RREB1: variants seen among roughly 807,000 people sequenced by gnomAD.
RREB1 encodes the protein ras responsive element binding protein 1.
RREB1 carries 27 observed loss-of-function variants against 117.8 expected under a neutral mutation model. The observed-to-expected ratio is 0.23, with a 90% confidence interval of 0.17 to 0.32. The LOEUF (loss-of-function observed/expected upper bound fraction) is 0.32. RREB1 is among the 10% of genes least tolerant of loss of function. The pLI is 1.00. For synonymous variants in RREB1, 1,298 were observed against 1,026.7 expected, an observed-to-expected ratio of 1.26 and a Z score of -5.05; for missense variants, 2,577 against 2,378.2, an observed-to-expected ratio of 1.08 and a Z score of -1.74.
chr6:7,211,682 T>A lies in RREB1; in HGVS notation c.680T>A (p.Met227Lys), dbSNP rs1365529940. Residue 227 changes from methionine to lysine, a missense_variant, in exon 8 of 13, where the codon ATG becomes AAG. Coordinates refer to ENST00000379938, the MANE Select transcript of RREB1 (RefSeq NM_001003699.4). Reference sequence around the variant, plus strand: ...TGCAAGTATGGACTGGAGACCCACATGGAGACCCATTCAGATAACCCACTA... The same window carrying A: ...TGCAAGTATGGACTGGAGACCCACAAGGAGACCCATTCAGATAACCCACTA... ...FVCKYGLETH[M>K]ETHSDNPLRC... 1 of 1,614,130 alleles carries A rather than the reference T, an allele frequency of 6.2e-7. No homozygotes were observed.
At position 7,229,776 on chromosome 6, in the gene RREB1, C is replaced by G; in HGVS notation, c.1677C>G (p.Asn559Lys). 1 of 1,606,686 alleles carries G rather than the reference C, an allele frequency of 6.2e-7. No individual in the cohort carries two copies. The highest frequency in any genetic ancestry group is 8.5e-7 in the Non-Finnish European group (1 of 1,175,480). ...LLKGSVEAAS[N>K]AHLLQSKSGT... ...AAGGCTCAGTGGAGGCGGCCTCCAA[C>G]GCCCACCTGCTGCAGTCCAAGTCCG... is the stretch of plus-strand genomic sequence containing the variant. Residue 559 changes from asparagine to lysine, a missense_variant, in exon 10 of 13, where the codon AAC becomes AAG. Coordinates refer to ENST00000379938, the MANE Select transcript of RREB1 (RefSeq NM_001003699.4). The surrounding 1 kb of genome is among the most constrained non-coding windows in gnomAD (Gnocchi z 4.5).
intron 1 of RREB1, among the ~76,000 whole-genome samples, chr6:7,120,983 C>G (rs1414380968): frequency 6.6e-6 from 1 of 151,900 alleles, no homozygotes; most frequent in Non-Finnish European, 1.5e-5. Context: ...GCCACTACGC[C>G]TGGCTAATTT....
intron 5 of RREB1, among the ~76,000 whole-genome samples, chr6:7,188,479 A>G (rs1765223655): frequency 6.6e-6 from 1 of 152,144 alleles, no homozygotes. Flanking sequence ...AAACGTACAT[A>G]ACACAGAAGG....
At chr6:7,163,179 A>G (rs557826866) in intron 1 of RREB1, among the ~76,000 whole-genome samples, 21 of 152,352 alleles carry the variant, frequency 1.4e-4, no homozygotes, top group African/African-American at 5.0e-4. Flanking sequence ...ATAAAGAGAC[A>G]GTGAGTTTTT....
chr6:7,170,098 C>T (rs1403576109), intron 1 of RREB1, among the ~76,000 whole-genome samples: 1 of 152,150 alleles, frequency 6.6e-6, no homozygotes, highest in Non-Finnish European at 1.5e-5. Flanking sequence ...TAAGAACAAC[C>T]GACATTGCTT....
At position 7,229,230 on chromosome 6, in the gene RREB1, T is replaced by C. The variant is rs1223939886; in HGVS notation, c.1131T>C (p.Pro377=). 6.2e-7 allele frequency: 1 copy of C among 1,613,976 alleles called. No individual in the cohort carries two copies. Among genetic ancestry groups the C allele is most frequent in the Admixed American group, 1.7e-5 (1 of 60,018 alleles). Residue 377 remains proline (P), a synonymous_variant, in exon 10 of 13, where the codon CCT becomes CCC. Transcript: ENST00000379938. The surrounding 1 kb of genome is among the most constrained non-coding windows in gnomAD (Gnocchi z 4.5). ...TGCAGCACACCAAAGACGTCAGGCC[T>C]GCCCCCGCCGAGGAGCCCCTGCCGG... The part of the protein sequence containing the change: ...LGLQHTKDVR[P]APAEEPLPDD...
chr6:7,195,721 G>C (rs376960171), intron 6 of RREB1, among the ~76,000 whole-genome samples: 68 of 152,258 alleles, frequency 4.5e-4, no homozygotes, highest in African/African-American at 1.5e-3. Context: ...TCCCTCATGG[G>C]GTCTCCAGAG....
Position 7,230,975 on chromosome 6 carries a change from C to G in RREB1, c.2876C>G (p.Pro959Arg). The G allele has an allele frequency of 6.2e-7, 1 of 1,614,156 alleles. No homozygotes were observed. The highest frequency in any genetic ancestry group is 8.5e-7 in the Non-Finnish European group (1 of 1,179,990). Residue 959 changes from proline to arginine, a missense_variant, in exon 10 of 13, where the codon CCT becomes CGT. By Grantham distance (103) the Pro-to-Arg change is moderately radical. Transcript: ENST00000379938. ...GCCACTCCCAGCGAAGCCAAGAAGCCTGAGGAGGAGGCGGGGAGCAGCGAG... is the reference window on the plus strand; with the variant it reads ...GCCACTCCCAGCGAAGCCAAGAAGCGTGAGGAGGAGGCGGGGAGCAGCGAG... Reference protein sequence around the residue: ...DLATPSEAKKPEEEAGSSEQP... With the variant: ...DLATPSEAKKREEEAGSSEQP...
At chr6:7,219,090 TACA>T (rs1767081693) in intron 8 of RREB1, 2 of 6,426 alleles carry the variant, frequency 3.1e-4, no homozygotes, top group African/African-American at 8.9e-4. Flanking sequence ...TCTACTAAAA[TACA>T]AAAAAAAAAA....
intron 10 of RREB1, among the ~76,000 whole-genome samples, chr6:7,234,109 C>T (rs1259383496): frequency 1.3e-5 from 2 of 152,202 alleles, no homozygotes; most frequent in East Asian, 1.9e-4. Context: ...CCCTTTCATA[C>T]CACTGTCTCC....
chr6:7,172,782 C>T (rs955546425), intron 1 of RREB1, among the ~76,000 whole-genome samples: 1 of 152,068 alleles, frequency 6.6e-6, no homozygotes, highest in Middle Eastern at 3.2e-3. Context: ...TCCTGGAACT[C>T]AAAGCCGTCA....
chr6:7,154,665 ACTGT>A (rs1186571371), intron 1 of RREB1, among the ~76,000 whole-genome samples: 13 of 152,170 alleles, frequency 8.5e-5, no homozygotes, highest in Admixed American at 7.2e-4. Flanking sequence ...AGGTTCCCTA[ACTGT>A]CTAAGGGTCA....
At chr6:7,135,975 A>C (rs1331701766) in intron 1 of RREB1, among the ~76,000 whole-genome samples, 1 of 152,158 alleles carries the variant, frequency 6.6e-6, no homozygotes, top group African/African-American at 2.4e-5. Context: ...CATATGACTA[A>C]GCAAGTCAGC....
At chr6:7,115,602 T>C (rs1761362787) in intron 1 of RREB1, among the ~76,000 whole-genome samples, 1 of 152,158 alleles carries the variant, frequency 6.6e-6, no homozygotes, top group Non-Finnish European at 1.5e-5. Flanking sequence ...CTCAGGGCCA[T>C]TGCTCTGCAG....
Position 7,229,964 on chromosome 6 carries a change from A to G in RREB1, c.1865A>G (p.Glu622Gly). Residue 622 changes from glutamate to glycine, a missense_variant, in exon 10 of 13, where the codon GAA becomes GGA. By Grantham distance (98) the Glu-to-Gly change is moderately conservative. Coordinates refer to ENST00000379938, the MANE Select transcript of RREB1 (RefSeq NM_001003699.4). The surrounding 1 kb of genome is among the most constrained non-coding windows in gnomAD (Gnocchi z 4.5). ...ATCAAGCAGGAGATCACAGAGGGGGAACTCAAGGCCTTCATGACAGCGCCC... is the reference window on the plus strand; with the variant it reads ...ATCAAGCAGGAGATCACAGAGGGGGGACTCAAGGCCTTCATGACAGCGCCC... ...AKIKQEITEG[E>G]LKAFMTAPGG... The G allele has an allele frequency of 6.2e-7, 1 of 1,603,526 alleles. No individual in the cohort carries two copies. The highest frequency in any genetic ancestry group is 8.5e-7 in the Non-Finnish European group (1 of 1,172,636).
At chr6:7,156,043 A>G (rs573047067) in intron 1 of RREB1, among the ~76,000 whole-genome samples, 44 of 152,238 alleles carry the variant, frequency 2.9e-4, no homozygotes, top group Non-Finnish European at 5.9e-4. Context: ...ATAACTCACA[A>G]AGTAACATTT....
At chr6:7,165,527 C>T (rs1225590748) in intron 1 of RREB1, among the ~76,000 whole-genome samples, 1 of 152,162 alleles carries the variant, frequency 6.6e-6, no homozygotes, top group African/African-American at 2.4e-5. Flanking sequence ...CATGAAAATA[C>T]TGGTAGAGGT....
chr6:7,224,736 G>T (rs186207303), intron 8 of RREB1, among the ~76,000 whole-genome samples: 1 of 152,158 alleles, frequency 6.6e-6, no homozygotes, highest in Non-Finnish European at 1.5e-5. Flanking sequence ...ATCTGGGCCC[G>T]CAGTGTGAGG....
intron 1 of RREB1, among the ~76,000 whole-genome samples, chr6:7,116,667 C>T (rs574909082): frequency 2.0e-5 from 3 of 152,240 alleles, no homozygotes; most frequent in South Asian, 2.1e-4. Context: ...CATGAACTAA[C>T]GATTTCAGCA....
Sources: gnomAD v4.1 joint callset for allele counts (sites outside exome capture counted in the v4.1 genomes callset) on GRCh38, gnomAD v4.1.1 for gene constraint, Gnocchi (gnomAD v3.1) non-coding constraint, MANE v1.5 for transcripts, NCBI Gene and HGNC (gene_info 2026-07-23, HGNC 2026-07-21) for gene names.